Variants in ZNF713 observed in about 807,000 individuals in gnomAD.
ZNF713 encodes the protein zinc finger protein 713.
A neutral mutation model predicts 28.7 loss-of-function variants in ZNF713; 21 were observed. The ratio of observed to expected loss-of-function variants is 0.73; its 90% CI spans 0.52 to 1.05. The LOEUF is 1.05. ZNF713 is among the 50% of genes least tolerant of loss of function. The probability of loss-of-function intolerance (pLI) is 0.00; values close to 1 mark genes in which losing one functional copy is unlikely to be tolerated. For synonymous variants in ZNF713, 167 were observed against 178.0 expected (o/e 0.94, Z 0.49); for missense variants, 458 against 532.4 (o/e 0.86, Z 1.37).
chr7:55,934,962 C>T (rs1245603491), intron 6 of ZNF713, among the ~76,000 whole-genome samples: 2 of 148,640 alleles, frequency 1.3e-5, no homozygotes, highest in Non-Finnish European at 3.0e-5. Flanking sequence ...GATCTTGGCT[C>T]ACTGCAACCT....
chr7:55,918,525 C>T (rs1785928972), intron 4 of ZNF713, among the ~76,000 whole-genome samples: 1 of 152,132 alleles, frequency 6.6e-6, no homozygotes, highest in African/African-American at 2.4e-5. Context: ...GACTTTGGAA[C>T]TGAGCACTGG....
At chr7:55,909,165 C>T (rs967556745) in intron 2 of ZNF713, among the ~76,000 whole-genome samples, 3 of 144,828 alleles carry the variant, frequency 2.1e-5, no homozygotes, top group Non-Finnish European at 4.5e-5. Context: ...CGCCACTGCA[C>T]TCCAGCCTGG....
At chr7:55,903,816 C>G (rs1785624227) in intron 1 of ZNF713, among the ~76,000 whole-genome samples, 1 of 152,030 alleles carries the variant, frequency 6.6e-6, no homozygotes, top group Non-Finnish European at 1.5e-5. Flanking sequence ...CGTTTCAGCA[C>G]CTAACAGCAG....
At chr7:55,899,095 T>C (rs918383027) in intron 1 of ZNF713, among the ~76,000 whole-genome samples, 2 of 152,138 alleles carry the variant, frequency 1.3e-5, no homozygotes, top group Non-Finnish European at 2.9e-5. Context: ...GGTTCATGCC[T>C]GTAATCCCAG....
Position 55,917,331 on chromosome 7 carries a change from G to A in ZNF713, c.87+4608G>A, listed in dbSNP as rs190474326. Among the ~76,000 whole-genome samples, 5 of 151,056 alleles carry A rather than the reference G, an allele frequency of 3.3e-5. No individual in the cohort carries two copies. In the East Asian group the frequency reaches 5.8e-4, roughly 18 times the overall value. On this transcript the variant is annotated intron_variant, in intron 4 of 6. Coordinates refer to ENST00000429591, the MANE Select transcript of ZNF713 (RefSeq NM_182633.3). Reference sequence around the variant, plus strand: ...AGTTGAAAAAAATATTTTGCCACTCGAATTACAGTGGTCTCATCTTTCTAA... The same window carrying A: ...AGTTGAAAAAAATATTTTGCCACTCAAATTACAGTGGTCTCATCTTTCTAA...
At chr7:55,915,092 A>C (rs557431137) in intron 4 of ZNF713, among the ~76,000 whole-genome samples, 1 of 152,296 alleles carries the variant, frequency 6.6e-6, no homozygotes, top group South Asian at 2.1e-4. Flanking sequence ...CAGCCTCCCA[A>C]AGTATTGGGA....
chr7:55,914,436 C>T (rs1215539215), intron 4 of ZNF713, among the ~76,000 whole-genome samples: 1 of 152,158 alleles, frequency 6.6e-6, no homozygotes, highest in East Asian at 1.9e-4. Context: ...CTCAAGCCAT[C>T]CTCCCACCTC....
Position 55,890,269 on chromosome 7 carries a change from G to A in ZNF713, c.-583+2589G>A, listed in dbSNP as rs1286047517. The stretch of plus-strand genomic sequence containing the variant: ...GTTCAAGACCAACTTGGCCAACATG[G>A]TGAAACCCCATCTCTAGTAAAAATA... On this transcript the variant is annotated intron_variant, in intron 1 of 6. Transcript: ENST00000429591. 2.0e-5 allele frequency among the ~76,000 whole-genome samples: 3 copies of A among 151,950 alleles called. No individual in the cohort carries two copies. In the South Asian group the frequency reaches 6.2e-4, roughly 32 times the overall value.
At chr7:55,916,427 C>T (rs540925532) in intron 4 of ZNF713, among the ~76,000 whole-genome samples, 13 of 152,336 alleles carry the variant, frequency 8.5e-5, no homozygotes, top group African/African-American at 2.9e-4. Context: ...CTGCCCCACA[C>T]CCATATTCTT....
chr7:55,890,947 G>T (rs1242082199), intron 1 of ZNF713, among the ~76,000 whole-genome samples: 9 of 149,194 alleles, frequency 6.0e-5, no homozygotes, highest in Non-Finnish European at 1.0e-4. Flanking sequence ...AGTGAGCCTG[G>T]ATTGTGCCAC....
intron 4 of ZNF713, among the ~76,000 whole-genome samples, chr7:55,922,271 G>A (rs1786006631): frequency 6.6e-6 from 1 of 152,094 alleles, no homozygotes; most frequent in Admixed American, 6.6e-5. Context: ...CGGGCACAGT[G>A]GCTTAACGCC....
intron 1 of ZNF713, among the ~76,000 whole-genome samples, chr7:55,904,608 C>T (rs989950468): frequency 2.0e-5 from 3 of 151,050 alleles, no homozygotes; most frequent in East Asian, 1.9e-4. Flanking sequence ...GAGAAATGGG[C>T]GATGAGGAAG....
intron 6 of ZNF713, among the ~76,000 whole-genome samples, chr7:55,937,258 G>A (rs1298073764): frequency 2.0e-5 from 3 of 151,962 alleles, no homozygotes; most frequent in Admixed American, 6.6e-5. Context: ...CCAAGAGCAC[G>A]CCACTGCACT....
chr7:55,899,251 G>GC (rs889848977), intron 1 of ZNF713, among the ~76,000 whole-genome samples: 54 of 151,506 alleles, frequency 3.6e-4, no homozygotes, highest in African/African-American at 1.3e-3. Flanking sequence ...TACTTGGGAG[G>GC]CTGAGGCAGG....
At chr7:55,919,513 T>TTTTTTG (rs1785950523) in intron 4 of ZNF713, among the ~76,000 whole-genome samples, 12 of 94,464 alleles carry the variant, frequency 1.3e-4, no homozygotes, top group Non-Finnish European at 1.5e-4. Flanking sequence ...TTTTTTTTTT[T>TTTTTTG]TTTTTTTTTT....
At chr7:55,905,358 A>T (rs1467787292) in intron 1 of ZNF713, among the ~76,000 whole-genome samples, 1 of 152,110 alleles carries the variant, frequency 6.6e-6, no homozygotes, top group African/African-American at 2.4e-5. Context: ...GTGTATTTTA[A>T]AATCACTACA....
intron 1 of ZNF713, among the ~76,000 whole-genome samples, chr7:55,890,757 TG>T (rs1169571608): frequency 6.6e-6 from 1 of 152,100 alleles, no homozygotes; most frequent in African/African-American, 2.4e-5. Flanking sequence ...TGGTGGCTTA[TG>T]CCTGTAATCC....
intron 2 of ZNF713, among the ~76,000 whole-genome samples, chr7:55,907,850 G>A (rs1038479466): frequency 3.3e-5 from 5 of 151,864 alleles, no homozygotes; most frequent in African/African-American, 7.3e-5. Context: ...TTTCTTTATC[G>A]AATCATCGGT....
chr7:55,916,931 G>T (rs1194337477), intron 4 of ZNF713, among the ~76,000 whole-genome samples: 2 of 152,082 alleles, frequency 1.3e-5, no homozygotes, highest in African/African-American at 2.4e-5. Flanking sequence ...AACACCAAAA[G>T]CGGCCGGGCG....
Sources: allele counts gnomAD v4.1 joint callset (sites outside exome capture counted in the v4.1 genomes callset), GRCh38; gene constraint gnomAD v4.1.1; transcripts MANE v1.5; gene names NCBI Gene and HGNC (gene_info 2026-07-23, HGNC 2026-07-21).